The following STEEP1 variants were observed in gnomAD, a reference collection of about 807,000 sequenced individuals.
STEEP1 encodes STING ER exit protein.
In STEEP1, 3 loss-of-function variants were observed where a neutral mutation model predicts 19.2. The ratio of observed to expected loss-of-function variants is 0.16; its 90% CI spans 0.07 to 0.40. The LOEUF (loss-of-function observed/expected upper bound fraction) is 0.40, where lower values mean the gene tolerates loss of function less well. Ranked by LOEUF, STEEP1 falls within the 10% of genes least tolerant of loss-of-function variation. STEEP1 has a pLI of 0.99. For synonymous variants in STEEP1, 46 were observed against 63.7 expected (o/e 0.72, Z 1.32); for missense variants, 54 against 177.1 (o/e 0.30, Z 3.94).
chrX:119,557,510 G>C (rs28505824), intron 2 of STEEP1, among the ~76,000 whole-genome samples: 2 of 84,600 alleles, frequency 2.4e-5, no homozygotes, highest in Non-Finnish European at 4.9e-5. Context: ...AAAGAAAAAA[G>C]AAAAAAAAAT....
Position 119,544,380 on chromosome X carries a change from A to G in STEEP1, c.396T>C (p.Tyr132=), listed in dbSNP as rs909738377. 5 of 1,204,982 alleles carry G rather than the reference A, an allele frequency of 4.1e-6. No homozygotes were observed. The highest frequency in any genetic ancestry group is 5.6e-6 in the Non-Finnish European group (5 of 891,361). The part of the protein sequence containing the change: ...FGQGFGKTNI[Y]TQKQEPPKKV... The stretch of plus-strand genomic sequence containing the variant: ...TCTTAGGAGGCTCTTGTTTCTGAGT[A>G]TATATGTTCGTTTTCCCAAAGCCCT... The change falls in exon 4 of 7, where the codon TAT becomes TAC. Residue 132 remains tyrosine (Y), a synonymous_variant. Coordinates refer to ENST00000644802, the MANE Select transcript of STEEP1 (RefSeq NM_022101.4).
Position 119,539,728 on chromosome X carries a change from T to G in STEEP1, c.668A>C (p.Ter223SerextTer14). The G allele has an allele frequency of 8.3e-7, 1 of 1,206,037 alleles. No homozygotes were observed. The change falls in exon 7 of 7, where the codon TAA becomes TCA. Residue 223 changes from the stop codon to serine (S), a stop_lost. Coordinates refer to ENST00000644802, the MANE Select transcript of STEEP1 (RefSeq NM_022101.4). Reference protein sequence around the residue: ...KGTLIDNQFK* With the variant: ...KGTLIDNQFKS ...TCTAGGGCTTAGAAAAAGGCCTGGT[T>G]ATTTGAACTGGTTGTCAATCAAGGT...
chrX:119,562,541 A>T (rs1295006076), intron 1 of STEEP1, among the ~76,000 whole-genome samples: 1 of 107,625 alleles, frequency 9.3e-6, no homozygotes, highest in East Asian at 2.9e-4. Flanking sequence ...CTCAAAAAAA[A>T]AAAAAAAAAT....
At chrX:119,553,731 G>A (rs2053259879) in intron 2 of STEEP1, among the ~76,000 whole-genome samples, 1 of 111,740 alleles carries the variant, frequency 8.9e-6, no homozygotes, top group South Asian at 3.7e-4. Flanking sequence ...TACAGAGAAT[G>A]AACTTCCCCT....
rs1465297108 is a variant in STEEP1, at chrX:119,565,212, C to G, written c.124+20G>C. ...AAGTCTGGCTCCTTGCAGACGCCCC[C>G]GCAGTTCCCGGCTACTCACCCAGCA... On this transcript the variant is annotated intron_variant, in intron 1 of 6. Coordinates refer to ENST00000644802, the MANE Select transcript of STEEP1 (RefSeq NM_022101.4). 8.4e-7 allele frequency: 1 copy of G among 1,193,695 alleles called. No homozygotes were observed.
chrX:119,560,346 C>T lies in STEEP1; in HGVS notation c.164G>A (p.Arg55Gln), dbSNP rs187814735. ...TTTGGCAGCATCAATCACACGGGAC[C>T]GGTCCCGGGGCCTCATGGGCAATTT... is the stretch of plus-strand genomic sequence containing the variant. ...LEKLPMRPRD[R>Q]SRVIDAAKHA... is the part of the protein sequence containing the mutation. The change falls in exon 2 of 7, where the codon CGG becomes CAG. Residue 55 changes from arginine to glutamine, a missense_variant. Arg to Gln is a conservative substitution (Grantham distance 43). This residue lies in a region of STEEP1 where 47 missense variants were observed against 118.5 expected (regional missense o/e 0.40). Transcript: ENST00000644802. 9.9e-6 allele frequency: 12 copies of T among 1,207,140 alleles called. No homozygotes were observed. The East Asian group carries it at 3.3e-4, about 33-fold the overall frequency.
intron 6 of STEEP1, among the ~76,000 whole-genome samples, chrX:119,540,395 G>A (rs1196376389): frequency 1.8e-5 from 2 of 111,525 alleles, no homozygotes; most frequent in Non-Finnish European, 3.8e-5. Context: ...TGTTCTAAAC[G>A]ACTATGGCAA....
chrX:119,556,599 A>G (rs1202361158), intron 2 of STEEP1, among the ~76,000 whole-genome samples: 1 of 94,774 alleles, frequency 1.1e-5, no homozygotes, highest in Non-Finnish European at 2.2e-5. Context: ...AAAAAAAAAA[A>G]GAGTGTCAGA....
At chrX:119,558,814 T>C (rs901429515) in intron 2 of STEEP1, among the ~76,000 whole-genome samples, 1 of 110,911 alleles carries the variant, frequency 9.0e-6, no homozygotes, top group Non-Finnish European at 1.9e-5. Context: ...TTCAGTCCTA[T>C]CTGCTTGCTC....
chrX:119,551,480 C>CA lies in STEEP1; in HGVS notation c.243-5977dup, dbSNP rs61569225. Among the ~76,000 whole-genome samples, 130 of 86,346 alleles carry CA rather than the reference C, an allele frequency of 1.5e-3. 1 individual carries two copies. Among genetic ancestry groups the CA allele is most frequent in the Non-Finnish European group, 1.8e-3 (79 of 42,975 alleles). The allele number at this position is 86,346 out of a possible 115,157, so 75.0% of individuals were successfully genotyped here. A position where few individuals can be genotyped will look rare whatever the true frequency, so the allele number is the denominator to read the frequency against. Reference sequence around the variant, plus strand: ...GGGCAACAAGAGCAAAACTCTGTCTCAAAAAAAAAAAAAAAAGAATTTCTA... The same window carrying CA: ...GGGCAACAAGAGCAAAACTCTGTCTCAAAAAAAAAAAAAAAAAGAATTTCTA... On this transcript the variant is annotated intron_variant, in intron 2 of 6. Transcript: ENST00000644802.
chrX:119,546,575 A>T (rs1303342148), intron 2 of STEEP1, among the ~76,000 whole-genome samples: 1 of 111,556 alleles, frequency 9.0e-6, no homozygotes, highest in Non-Finnish European at 1.9e-5. Context: ...GCTTGCCCAA[A>T]GTCGTGGAGC....
At chrX:119,544,556 A>T in intron 3 of STEEP1, 65 bp from the exon 4 acceptor site, 1 of 1,055,331 alleles carries the variant, frequency 9.5e-7, no homozygotes, top group Non-Finnish European at 1.3e-6. Flanking sequence ...GCAATTTGCA[A>T]AGTGTGCTTA....
At position 119,539,344 on chromosome X, in the gene STEEP1, C is replaced by T. The variant is rs1347235337; in HGVS notation, c.*383G>A. On this transcript the variant is annotated 3_prime_UTR_variant, in exon 7 of 7. Coordinates refer to ENST00000644802, the MANE Select transcript of STEEP1 (RefSeq NM_022101.4). ...GTCAGGAGTTGGAGACCAGCCTGGC[C>T]AACATGGTGGAACCCGTCTCTACTA... The T allele has an allele frequency of 8.4e-6, 1 of 118,969 alleles. No homozygotes were observed. Among genetic ancestry groups the T allele is most frequent in the East Asian group, 2.4e-4 (1 of 4,181 alleles). 9.8% of individuals were successfully genotyped at this position (118,969 alleles called of 1,213,427 possible).
rs1302454504 is a variant in STEEP1, at chrX:119,559,439, C to T, written c.242+829G>A. Among the ~76,000 whole-genome samples the T allele has an allele frequency of 2.1e-4, 23 of 111,231 alleles. No homozygotes were observed. In the Admixed American group the frequency reaches 2.2e-3, roughly 11 times the overall value. ...CACCTGGAATGCTCTTCATTCCCTT[C>T]ATCTACTTGGTGAAATCCTAGTTCA... is the stretch of plus-strand genomic sequence containing the variant. On this transcript the variant is annotated intron_variant, in intron 2 of 6. Transcript: ENST00000644802.
At chrX:119,552,003 C>T (rs537553211) in intron 2 of STEEP1, among the ~76,000 whole-genome samples, 54 of 108,078 alleles carry the variant, frequency 5.0e-4, no homozygotes, top group African/African-American at 1.7e-3. Context: ...CAGGTTCAAG[C>T]GATTCTCCTG....
At position 119,565,321 on chromosome X, in the gene STEEP1, G is replaced by A; in HGVS notation, c.35C>T (p.Ser12Phe). 1 of 1,209,237 alleles carries A rather than the reference G, an allele frequency of 8.3e-7. No individual in the cohort carries two copies. The highest frequency in any genetic ancestry group is 1.1e-6 in the Non-Finnish European group (1 of 893,653). Residue 12 changes from serine to phenylalanine, a missense_variant, in exon 1 of 7, where the codon TCT becomes TTT. Ser to Phe is a radical substitution (Grantham distance 155). Transcript: ENST00000644802. ...ATATTCCTCCCGGTCCCGAGTGTCA[G>A]AGCAGACTACTGACCGAGACACTAC... ...PKVVSRSVVC[S>F]DTRDREEYDD...
chrX:119,564,290 T>G (rs1603307307), intron 1 of STEEP1, among the ~76,000 whole-genome samples: 2 of 109,349 alleles, frequency 1.8e-5, no homozygotes, highest in Admixed American at 1.9e-4. Context: ...AGGTCAGGAG[T>G]TCGAGACCAG....
chrX:119,554,025 G>A (rs1000137636), intron 2 of STEEP1, among the ~76,000 whole-genome samples: 1 of 112,398 alleles, frequency 8.9e-6, no homozygotes, highest in Non-Finnish European at 1.9e-5. Flanking sequence ...AGAATTTCAA[G>A]TGGTATGACT....
At chrX:119,544,797 C>T (rs770033721) in intron 3 of STEEP1, among the ~76,000 whole-genome samples, 1 of 110,851 alleles carries the variant, frequency 9.0e-6, no homozygotes, top group East Asian at 2.9e-4. Context: ...AAAAATTAGC[C>T]AGGCATGGTG....
Sources: allele counts gnomAD v4.1 joint callset (sites outside exome capture counted in the v4.1 genomes callset), GRCh38; gene constraint gnomAD v4.1.1; regional missense constraint gnomAD v4.1.1; transcripts MANE v1.5; gene names NCBI Gene and HGNC (gene_info 2026-07-23, HGNC 2026-07-21).